The following STON1 variants were observed in gnomAD, a reference collection of about 807,000 sequenced individuals.
STON1 encodes the protein stonin-1.
A neutral mutation model predicts 60.9 loss-of-function variants in STON1; 79 were observed. The ratio of observed to expected loss-of-function variants is 1.30; its 90% confidence interval spans 1.08 to 1.56. The LOEUF (loss-of-function observed/expected upper bound fraction) is 1.56. Among genes scored for constraint, STON1 ranks in the 40% most tolerant of loss-of-function variants. The pLI is 0.00. For missense variants in STON1, 1,166 were observed against 858.9 expected, an observed-to-expected ratio of 1.36 and a Z score of -4.47; for synonymous variants, 363 against 306.9, an observed-to-expected ratio of 1.18 and a Z score of -1.91.
chr2:48,579,914 A>G (rs1673772329), intron 1 of STON1, among the ~76,000 whole-genome samples: 1 of 151,970 alleles, frequency 6.6e-6, no homozygotes, highest in African/African-American at 2.4e-5. Flanking sequence ...ATATAAATAT[A>G]TATATATTTT....
intron 1 of STON1, among the ~76,000 whole-genome samples, chr2:48,536,547 T>TAAA (rs540312014): frequency 1.9e-5 from 2 of 102,898 alleles, no homozygotes; most frequent in Middle Eastern, 5.3e-3. Flanking sequence ...GATGCCATCT[T>TAAA]AAAAAAAAAA....
At chr2:48,565,870 G>A (rs953740653) in intron 1 of STON1, among the ~76,000 whole-genome samples, 6 of 152,154 alleles carry the variant, frequency 3.9e-5, no homozygotes, top group African/African-American at 9.7e-5. Flanking sequence ...AATTTCTATA[G>A]CATCTATGGC....
intron 1 of STON1, among the ~76,000 whole-genome samples, chr2:48,559,642 T>C (rs1431957724): frequency 6.6e-6 from 1 of 152,180 alleles, no homozygotes; most frequent in Non-Finnish European, 1.5e-5. Flanking sequence ...GCTCAGGGAA[T>C]TGAAGTAACT....
Position 48,581,455 on chromosome 2 carries a change from C to T in STON1, c.822C>T (p.Ser274=), listed in dbSNP as rs3749142. The change falls in exon 2 of 4, where the codon TCC becomes TCT. Residue 274 remains serine (S), a synonymous_variant. Transcript: ENST00000404752. ...PHTLFRSQPK[S]GWSFMLRIPE... ...CACTCTTCAGGAGTCAGCCAAAATCCGGATGGTCTTTCATGCTGAGAATTC... is the reference window on the plus strand; with the variant it reads ...CACTCTTCAGGAGTCAGCCAAAATCTGGATGGTCTTTCATGCTGAGAATTC... 777,129 of 1,613,898 alleles carry T rather than the reference C, an allele frequency of 0.48. 189,522 individuals are homozygous for T. Among genetic ancestry groups the T allele is most frequent in the Non-Finnish European group, 0.49 (583,355 of 1,179,952 alleles).
chr2:48,572,432 G>A (rs1673262186), intron 1 of STON1, among the ~76,000 whole-genome samples: 1 of 152,176 alleles, frequency 6.6e-6, no homozygotes, highest in Non-Finnish European at 1.5e-5. Context: ...TGAGGGGGTA[G>A]GAGTGCACTT....
At chr2:48,567,198 C>G (rs1372165944) in intron 1 of STON1, among the ~76,000 whole-genome samples, 3 of 152,086 alleles carry the variant, frequency 2.0e-5, no homozygotes, top group Non-Finnish European at 2.9e-5. Context: ...AACTAAATAC[C>G]CCACATGTTT....
intron 1 of STON1, among the ~76,000 whole-genome samples, chr2:48,533,838 C>T (rs1306719671): frequency 6.8e-6 from 1 of 146,212 alleles, no homozygotes; most frequent in Non-Finnish European, 1.5e-5. Flanking sequence ...GGCGTGATCT[C>T]AGCTTATCGC....
Position 48,581,118 on chromosome 2 carries a change from G to A in STON1, c.485G>A (p.Ser162Asn), listed in dbSNP as rs928109231. The change falls in exon 2 of 4, where the codon AGC becomes AAC. Residue 162 changes from serine (S) to asparagine (N), a missense_variant. Ser to Asn is a conservative substitution (Grantham distance 46). Transcript: ENST00000404752. ...PDEVNPQQAE[S>N]LGFQSDDLPQ... ...GAAGTTAATCCTCAACAGGCTGAAA[G>A]CCTAGGATTCCAAAGTGATGATCTC... The A allele has an allele frequency of 3.8e-6, 6 of 1,598,048 alleles. No individual in the cohort carries two copies. The highest frequency in any genetic ancestry group is 3.5e-5 in the Admixed American group (2 of 56,746).
Position 48,581,144 on chromosome 2 carries a change from C to T in STON1, c.511C>T (p.Pro171Ser). 2 of 1,569,606 alleles carry T rather than the reference C, an allele frequency of 1.3e-6. No individual in the cohort carries two copies. Among genetic ancestry groups the T allele is most frequent in the South Asian group, 2.4e-5 (2 of 81,648 alleles). The change falls in exon 2 of 4, where the codon CCC (proline) becomes TCC (serine). Residue 171 changes from proline (P) to serine (S), a missense_variant. By Grantham distance (74) the Pro-to-Ser change is moderately conservative. Coordinates refer to ENST00000404752, the MANE Select transcript of STON1 (RefSeq NM_006873.4). ...CCTAGGATTCCAAAGTGATGATCTCCCCCAGTTTCAGTATTTTCGAGAGGA... is the reference window on the plus strand; with the variant it reads ...CCTAGGATTCCAAAGTGATGATCTCTCCCAGTTTCAGTATTTTCGAGAGGA... ...ESLGFQSDDL[P>S]QFQYFREDCA...
chr2:48,553,530 C>T (rs1219607817), intron 1 of STON1, among the ~76,000 whole-genome samples: 2 of 151,960 alleles, frequency 1.3e-5, no homozygotes, highest in Non-Finnish European at 2.9e-5. Flanking sequence ...TCTTGTTTCC[C>T]AGGCCAGAGT....
At chr2:48,593,616 G>A (rs899185922) in intron 3 of STON1, among the ~76,000 whole-genome samples, 1 of 152,170 alleles carries the variant, frequency 6.6e-6, no homozygotes, top group Non-Finnish European at 1.5e-5. Flanking sequence ...CTGAGAACAT[G>A]TGCCTCTCAA....
rs193056191 is a variant in STON1, at chr2:48,591,332, C to T, written c.1931-321C>T. Among the ~76,000 whole-genome samples, 3 of 150,572 alleles carry T rather than the reference C, an allele frequency of 2.0e-5. No individual in the cohort carries two copies. In the East Asian group the frequency reaches 5.8e-4, roughly 29 times the overall value. On this transcript the variant is annotated intron_variant, in intron 2 of 3. Transcript: ENST00000404752. ...TTTCTAATTAATATTAGTAATATTTCTAATTGAAAACATTTTTAGGAGTTC... is the reference window on the plus strand; with the variant it reads ...TTTCTAATTAATATTAGTAATATTTTTAATTGAAAACATTTTTAGGAGTTC...
At chr2:48,566,332 C>T (rs1003775828) in intron 1 of STON1, among the ~76,000 whole-genome samples, 10 of 152,236 alleles carry the variant, frequency 6.6e-5, no homozygotes, top group East Asian at 1.9e-4. Flanking sequence ...CCCACCACCA[C>T]GCCCGGCTAA....
intron 1 of STON1, among the ~76,000 whole-genome samples, chr2:48,553,953 G>T (rs576846268): frequency 6.6e-6 from 1 of 152,336 alleles, no homozygotes; most frequent in East Asian, 1.9e-4. Flanking sequence ...CAGGCAAATA[G>T]CTGTGGGGAC....
In STON1 at chr2:48,595,903, C is replaced by T. The variant is rs1373339394; in HGVS notation, c.*601C>T. The T allele has an allele frequency of 6.6e-6, 1 of 152,240 alleles. No individual in the cohort carries two copies. Among genetic ancestry groups the T allele is most frequent in the Non-Finnish European group, 1.5e-5 (1 of 68,122 alleles). 9.4% of individuals were successfully genotyped at this position (152,240 alleles called of 1,614,324 possible). On this transcript the variant is annotated 3_prime_UTR_variant, in exon 4 of 4. Coordinates refer to ENST00000404752, the MANE Select transcript of STON1 (RefSeq NM_006873.4). Reference sequence around the variant, plus strand: ...GCTATATTTGGTACCTGTCTCTCTCCTACTGTATTGTCATTTTCAAAATGT... The same window carrying T: ...GCTATATTTGGTACCTGTCTCTCTCTTACTGTATTGTCATTTTCAAAATGT...
At chr2:48,568,024 C>G (rs1468552451) in intron 1 of STON1, among the ~76,000 whole-genome samples, 1 of 143,670 alleles carries the variant, frequency 7.0e-6, no homozygotes, top group African/African-American at 2.5e-5. Context: ...GATTATGCAG[C>G]ATTGTTAGAG....
At chr2:48,574,612 T>C (rs897517521) in intron 1 of STON1, among the ~76,000 whole-genome samples, 1 of 152,210 alleles carries the variant, frequency 6.6e-6, no homozygotes, top group Non-Finnish European at 1.5e-5. Context: ...ATCTCAGCTA[T>C]GAAACTGGAA....
At chr2:48,561,488 A>G (rs758477544) in intron 1 of STON1, among the ~76,000 whole-genome samples, 2 of 152,220 alleles carry the variant, frequency 1.3e-5, no homozygotes, top group South Asian at 2.1e-4. Flanking sequence ...ATCATCAAAT[A>G]GAAGCCTCTG....
At chr2:48,542,265 C>T (rs552180069) in intron 1 of STON1, among the ~76,000 whole-genome samples, 3 of 152,326 alleles carry the variant, frequency 2.0e-5, no homozygotes, top group African/African-American at 7.2e-5. Flanking sequence ...AGTCATTGGC[C>T]TTCTCCTCTG....
Sources: gnomAD v4.1 joint callset for allele counts (sites outside exome capture counted in the v4.1 genomes callset) on GRCh38, gnomAD v4.1.1 for gene constraint, MANE v1.5 for transcripts, NCBI Gene and HGNC (gene_info 2026-07-23, HGNC 2026-07-21) for gene names.